TMEM106B: variants seen among roughly 807,000 people sequenced by gnomAD.
The protein encoded by TMEM106B is transmembrane protein 106B.
A neutral mutation model predicts 31.1 loss-of-function variants in TMEM106B; 15 were observed. That is an observed-to-expected ratio of 0.48 (90% CI 0.32 to 0.74). TMEM106B has a LOEUF of 0.74. Among genes scored for constraint, TMEM106B ranks in the 30% least tolerant of loss-of-function variants. The probability of loss-of-function intolerance (pLI) is 0.03; values close to 1 mark genes in which losing one functional copy is unlikely to be tolerated. For synonymous variants in TMEM106B, 126 were observed against 112.5 expected (o/e 1.12, Z -0.76); for missense variants, 283 against 327.3 (o/e 0.86, Z 1.04).
intron 2 of TMEM106B, 147 bp downstream of exon 2, chr7:12,215,174 G>T: frequency 1.6e-6 from 1 of 613,422 alleles, no homozygotes; most frequent in Non-Finnish European, 2.7e-6. Flanking sequence ...CAGTCAAAAA[G>T]ATGCAAAAGA....
At chr7:12,221,087 A>AGTGTGTGTGTGTGTGT (rs71027479) in intron 3 of TMEM106B, among the ~76,000 whole-genome samples, 76 of 150,060 alleles carry the variant, frequency 5.1e-4, no homozygotes, top group African/African-American at 1.5e-3. Flanking sequence ...AAGCAAGTAA[A>AGTGTGTGTGTGTGTGT]GTGTGTGTGT....
rs1434209920 is a variant in TMEM106B, at chr7:12,235,846, CA to C, written c.*3875del. 1 of 151,726 alleles carries C rather than the reference CA, an allele frequency of 6.6e-6. No homozygotes were observed. Among genetic ancestry groups the C allele is most frequent in the Non-Finnish European group, 1.5e-5 (1 of 67,784 alleles). The allele number at this position is 151,726 out of a possible 1,614,324, so 9.4% of individuals were successfully genotyped here. ...AATTACAAGTTACTAGGGTTATAAGCAAAAGGTTGCTTACCATAATGTCATT... is the reference window on the plus strand; with the variant it reads ...AATTACAAGTTACTAGGGTTATAAGCAAAGGTTGCTTACCATAATGTCATT... On this transcript the variant is annotated 3_prime_UTR_variant, in exon 8 of 8. Coordinates refer to ENST00000396668, the MANE Select transcript of TMEM106B (RefSeq NM_001134232.2).
chr7:12,225,377 T>C (rs1246355567), intron 4 of TMEM106B, among the ~76,000 whole-genome samples: 1 of 152,206 alleles, frequency 6.6e-6, no homozygotes, highest in Non-Finnish European at 1.5e-5. Flanking sequence ...CCTTTGGGTA[T>C]ATACCCAGTA....
chr7:12,213,833 C>G (rs76235203), intron 1 of TMEM106B, among the ~76,000 whole-genome samples: 4,469 of 152,188 alleles, frequency 0.029, 439 homozygotes, highest in East Asian at 0.19. Context: ...TCTGAGCCCC[C>G]CAACTAAGTG....
chr7:12,214,771 T>C, intron 1 of TMEM106B, 38 bp from the exon 2 acceptor site: 1 of 1,501,316 alleles, frequency 6.7e-7, no homozygotes, highest in Non-Finnish European at 9.0e-7. Flanking sequence ...TGTACTTTTT[T>C]CCCTGAAGTT....
chr7:12,218,991 C>A (rs143941736), intron 3 of TMEM106B, among the ~76,000 whole-genome samples: 71 of 151,780 alleles, frequency 4.7e-4, no homozygotes, highest in African/African-American at 1.6e-3. Flanking sequence ...GGACACCCAG[C>A]AAATATTTCC....
rs1479980862 is a variant in TMEM106B, at chr7:12,237,818, C to CACACAT, written c.*5848_*5849insTACACA. The CACACAT allele has an allele frequency of 1.3e-4, 8 of 63,960 alleles. No homozygotes were observed. The East Asian group carries it at 2.6e-3, about 20-fold the overall frequency. The allele number at this position is 63,960 out of a possible 1,614,324, so 4.0% of individuals were successfully genotyped here. A position where few individuals can be genotyped will look rare whatever the true frequency, so the allele number is the denominator to read the frequency against. On this transcript the variant is annotated 3_prime_UTR_variant, in exon 8 of 8. Coordinates refer to ENST00000396668, the MANE Select transcript of TMEM106B (RefSeq NM_001134232.2). ...AGACCCCATATAAAATATATACATA[C>CACACAT]ACACACACACACACACACACACACA...
chr7:12,231,429 G>T, intron 7 of TMEM106B: 1 of 270,654 alleles, frequency 3.7e-6, no homozygotes, highest in Non-Finnish European at 6.9e-6. Flanking sequence ...ACAGTAATAA[G>T]AATATTATTG....
chr7:12,226,472 G>A (rs1781903780), intron 4 of TMEM106B, among the ~76,000 whole-genome samples: 1 of 152,156 alleles, frequency 6.6e-6, no homozygotes, highest in Non-Finnish European at 1.5e-5. Flanking sequence ...GCTAACTATT[G>A]AATTAGGAAA....
chr7:12,232,141 C>A lies in TMEM106B; in HGVS notation c.*166C>A. The A allele has an allele frequency of 1.9e-6, 1 of 527,016 alleles. No individual in the cohort carries two copies. The highest frequency in any genetic ancestry group is 3.3e-6 in the Non-Finnish European group (1 of 306,912). 32.6% of individuals were successfully genotyped at this position (527,016 alleles called of 1,614,324 possible). On this transcript the variant is annotated 3_prime_UTR_variant, in exon 8 of 8. Coordinates refer to ENST00000396668, the MANE Select transcript of TMEM106B (RefSeq NM_001134232.2). ...GACCTGCAGTTCTTGTAACTCTCCA[C>A]TCTGTGTTAATGATATATTTGTACT...
chr7:12,240,467 T>C lies in TMEM106B; in HGVS notation c.*8492T>C, dbSNP rs1345182895. The C allele has an allele frequency of 6.6e-6, 1 of 152,188 alleles. No homozygotes were observed. The highest frequency in any genetic ancestry group is 1.5e-5 in the Non-Finnish European group (1 of 68,030). 9.4% of individuals were successfully genotyped at this position (152,188 alleles called of 1,614,324 possible). On this transcript the variant is annotated 3_prime_UTR_variant, in exon 8 of 8. Coordinates refer to ENST00000396668, the MANE Select transcript of TMEM106B (RefSeq NM_001134232.2). The stretch of plus-strand genomic sequence containing the variant: ...GTTTTCATCAACTTTTTTCAAACAA[T>C]TTTTGTCAGCTTAGAGGTTGTGTTT...
chr7:12,242,201 G>A lies in TMEM106B; in HGVS notation c.*10226G>A, dbSNP rs1203388632. 1 of 75,832 alleles carries A rather than the reference G, an allele frequency of 1.3e-5. No individual in the cohort carries two copies. Among genetic ancestry groups the A allele is most frequent in the Non-Finnish European group, 2.3e-5 (1 of 42,654 alleles). 4.7% of individuals were successfully genotyped at this position (75,832 alleles called of 1,614,324 possible). On this transcript the variant is annotated 3_prime_UTR_variant, in exon 8 of 8. Transcript: ENST00000396668. ...ATCCTGGCTAACAAGGTGAAACCCC[G>A]TCTCTACTAAAAATACAAAAAATTA...
intron 3 of TMEM106B, among the ~76,000 whole-genome samples, chr7:12,223,465 A>C (rs115923636): frequency 1.3e-5 from 2 of 151,976 alleles, no homozygotes; most frequent in African/African-American, 4.8e-5. Flanking sequence ...ATGATTAGCT[A>C]TTTTTCCTAA....
At chr7:12,230,349 T>G in intron 5 of TMEM106B, 40 bp from the exon 6 acceptor site, 3 of 1,433,552 alleles carry the variant, frequency 2.1e-6, no homozygotes, top group Non-Finnish European at 2.9e-6. Flanking sequence ...TTTGATGTTT[T>G]GATCTTGTTC....
intron 4 of TMEM106B, among the ~76,000 whole-genome samples, chr7:12,226,085 A>G (rs533361467): frequency 1.3e-5 from 2 of 152,170 alleles, no homozygotes; most frequent in South Asian, 2.1e-4. Flanking sequence ...TCAGCTTTCT[A>G]CTTATGACAA....
chr7:12,222,773 T>G (rs577706550), intron 3 of TMEM106B, among the ~76,000 whole-genome samples: 6 of 152,336 alleles, frequency 3.9e-5, no homozygotes, highest in African/African-American at 7.2e-5. Flanking sequence ...TTAGCAAATT[T>G]GTGTTTGCTT....
chr7:12,223,534 G>T (rs1369458835), intron 3 of TMEM106B, among the ~76,000 whole-genome samples: 1 of 130,834 alleles, frequency 7.6e-6, no homozygotes, highest in African/African-American at 3.2e-5. Context: ...AGTCACTTTA[G>T]GGGATCATGT....
chr7:12,225,398 T>C (rs560130978), intron 4 of TMEM106B, among the ~76,000 whole-genome samples: 86 of 152,312 alleles, frequency 5.6e-4, no homozygotes, highest in African/African-American at 2.0e-3. Context: ...ATGGGATTGC[T>C]GGGTCAAATG....
intron 1 of TMEM106B, among the ~76,000 whole-genome samples, chr7:12,213,135 T>C (rs936556932): frequency 6.6e-6 from 1 of 152,174 alleles, no homozygotes; most frequent in African/African-American, 2.4e-5. Flanking sequence ...TACTAATTAT[T>C]TATTTCTACT....
Sources: gnomAD v4.1 joint callset for allele counts (sites outside exome capture counted in the v4.1 genomes callset) on GRCh38, gnomAD v4.1.1 for gene constraint, MANE v1.5 for transcripts, NCBI Gene and HGNC (gene_info 2026-07-23, HGNC 2026-07-21) for gene names.